FRMPD4: variants seen among roughly 807,000 people sequenced by gnomAD.
FRMPD4 encodes the protein FERM and PDZ domain-containing protein 4.
Under a neutral mutation model 94.1 loss-of-function variants are expected in FRMPD4, and 22 were observed. The observed-to-expected ratio is 0.23, with a 90% CI of 0.17 to 0.33. The LOEUF is 0.33. Ranked by LOEUF, FRMPD4 falls within the 10% of genes least tolerant of loss-of-function variation. The pLI, the probability that FRMPD4 is intolerant of heterozygous loss-of-function variation, is 1.00. For missense variants in FRMPD4, 1,111 were observed against 1,339.9 expected (o/e 0.83, Z 2.67); for synonymous variants, 631 against 548.6 (o/e 1.15, Z -2.10).
At chrX:11,846,178 A>G (rs2053575626) in intron 1 of FRMPD4, among the ~76,000 whole-genome samples, 1 of 110,362 alleles carries the variant, frequency 9.1e-6, no homozygotes, top group African/African-American at 3.3e-5. Flanking sequence ...CAACTTCAGC[A>G]AAGTCTCAGG....
At chrX:11,892,608 A>G (rs1002126948) in intron 3 of FRMPD4, among the ~76,000 whole-genome samples, 2 of 112,377 alleles carry the variant, frequency 1.8e-5, no homozygotes, top group Non-Finnish European at 3.8e-5. Context: ...ACCCTGCTCA[A>G]TAATTAGGTT....
intron 1 of FRMPD4, among the ~76,000 whole-genome samples, chrX:12,383,376 T>C (rs1465723210): frequency 3.6e-5 from 4 of 111,707 alleles, no homozygotes; most frequent in African/African-American, 1.3e-4. Context: ...GGGCAGGCAG[T>C]GCTACTGGCC....
intron 1 of FRMPD4, among the ~76,000 whole-genome samples, chrX:12,403,356 T>C (rs2056629386): frequency 9.5e-6 from 1 of 105,553 alleles, no homozygotes. Context: ...TGTCCCCTCT[T>C]CCTAGAACAC....
At chrX:11,992,357 A>G (rs1210811182) in intron 3 of FRMPD4, among the ~76,000 whole-genome samples, 1 of 111,941 alleles carries the variant, frequency 8.9e-6, no homozygotes, top group African/African-American at 3.2e-5. Flanking sequence ...TTCTATTTAC[A>G]GAGATTTGGT....
intron 2 of FRMPD4, among the ~76,000 whole-genome samples, chrX:12,598,456 C>T (rs1439664653): frequency 9.0e-6 from 1 of 111,541 alleles, no homozygotes; most frequent in Non-Finnish European, 1.9e-5. Context: ...CTCTTCCCAT[C>T]CTCATTCTCT....
At chrX:12,223,653 A>G (rs1053511225) in intron 1 of FRMPD4, among the ~76,000 whole-genome samples, 1 of 112,277 alleles carries the variant, frequency 8.9e-6, no homozygotes, top group African/African-American at 3.2e-5. Context: ...CAGTGGCTAT[A>G]CCATTTTACA....
intron 1 of FRMPD4, among the ~76,000 whole-genome samples, chrX:12,381,058 T>C (rs2056310980): frequency 8.9e-6 from 1 of 111,888 alleles, no homozygotes; most frequent in African/African-American, 3.3e-5. Flanking sequence ...AGGAACATAT[T>C]CTATATAAAC....
At chrX:12,204,861 AC>A (rs1417056462) in intron 1 of FRMPD4, among the ~76,000 whole-genome samples, 3 of 110,984 alleles carry the variant, frequency 2.7e-5, no homozygotes, top group Non-Finnish European at 3.8e-5. Flanking sequence ...TCATTTATAG[AC>A]ACTTGCCATC....
At chrX:12,300,795 T>G (rs2054848553) in intron 1 of FRMPD4, among the ~76,000 whole-genome samples, 1 of 111,784 alleles carries the variant, frequency 8.9e-6, no homozygotes, top group African/African-American at 3.3e-5. Flanking sequence ...TGGCCCAATG[T>G]TAGATCCACA....
At chrX:12,187,586 G>A (rs1319971755) in intron 1 of FRMPD4, among the ~76,000 whole-genome samples, 1 of 110,956 alleles carries the variant, frequency 9.0e-6, no homozygotes, top group Non-Finnish European at 1.9e-5. Flanking sequence ...CAACTTAAGT[G>A]GGTTGCAACC....
chrX:12,291,982 T>C (rs2054697499), intron 1 of FRMPD4, among the ~76,000 whole-genome samples: 1 of 112,029 alleles, frequency 8.9e-6, no homozygotes, highest in Non-Finnish European at 1.9e-5. Flanking sequence ...GGAATAAAAA[T>C]TCATAGGCCT....
chrX:12,208,568 T>C (rs1254230840), intron 1 of FRMPD4, among the ~76,000 whole-genome samples: 3 of 111,848 alleles, frequency 2.7e-5, no homozygotes, highest in African/African-American at 9.7e-5. Flanking sequence ...TTATGCCAAA[T>C]AGAATTGTTT....
At chrX:12,000,210 T>C (rs1411270082) in intron 3 of FRMPD4, among the ~76,000 whole-genome samples, 1 of 112,157 alleles carries the variant, frequency 8.9e-6, no homozygotes, top group Non-Finnish European at 1.9e-5. Context: ...ACATGAAATA[T>C]TTTCTGTAGG....
rs138817056 is a variant in FRMPD4, at chrX:12,645,347, C to CTTT, written c.423-29493_423-29491dup. 4.1e-3 allele frequency among the ~76,000 whole-genome samples: 229 copies of CTTT among 55,626 alleles called. 3 individuals carry two copies. Among genetic ancestry groups the CTTT allele is most frequent in the Non-Finnish European group, 5.0e-3 (167 of 33,242 alleles). 48.3% of individuals were successfully genotyped at this position (55,626 alleles called of 115,157 possible). On this transcript the variant is annotated intron_variant, in intron 4 of 16. Coordinates refer to ENST00000675598, the MANE Select transcript of FRMPD4 (RefSeq NM_001368397.1). ...TCAGGTAGTTTTTAACACTCTCACT[C>CTTT]TTTTTTTTTTTTTTTTTTTTTTTTT...
intron 4 of FRMPD4, among the ~76,000 whole-genome samples, chrX:12,670,152 G>A (rs188785980): frequency 1.2e-3 from 138 of 111,790 alleles, no homozygotes; most frequent in African/African-American, 4.2e-3. Flanking sequence ...AGCCTTATGG[G>A]CCTATTCATT....
At chrX:12,249,470 T>G (rs1409869547) in intron 1 of FRMPD4, among the ~76,000 whole-genome samples, 2 of 111,521 alleles carry the variant, frequency 1.8e-5, no homozygotes, top group African/African-American at 6.5e-5. Context: ...AGCTGCTGTT[T>G]CCTGGGGTCA....
intron 2 of FRMPD4, among the ~76,000 whole-genome samples, chrX:12,602,532 G>C (rs1179586180): frequency 8.9e-6 from 1 of 111,987 alleles, no homozygotes; most frequent in Non-Finnish European, 1.9e-5. Context: ...AGTTGGTGGA[G>C]AAAATCCTTT....
At chrX:12,582,355 T>C (rs1172484082) in intron 2 of FRMPD4, among the ~76,000 whole-genome samples, 1 of 112,078 alleles carries the variant, frequency 8.9e-6, no homozygotes, top group African/African-American at 3.2e-5. Context: ...AGCAAATTCA[T>C]TTTCCAAGGC....
At chrX:12,410,938 C>T (rs896617974) in intron 1 of FRMPD4, among the ~76,000 whole-genome samples, 6 of 111,576 alleles carry the variant, frequency 5.4e-5, no homozygotes, top group Admixed American at 1.9e-4. Flanking sequence ...TATGTAAAAA[C>T]GGATATATAA....
Sources: allele counts gnomAD v4.1 joint callset (sites outside exome capture counted in the v4.1 genomes callset), GRCh38; gene constraint gnomAD v4.1.1; transcripts MANE v1.5; gene names NCBI Gene and HGNC (gene_info 2026-07-23, HGNC 2026-07-21).